TRAF3IP3: variants seen among roughly 807,000 people sequenced by gnomAD.
TRAF3IP3 encodes the protein TRAF3-interacting JNK-activating modulator.
TRAF3IP3 carries 64 observed loss-of-function variants against 86.5 expected under a neutral mutation model. The ratio of observed to expected loss-of-function variants is 0.74; its 90% CI spans 0.60 to 0.91. The LOEUF (loss-of-function observed/expected upper bound fraction) is 0.91, where lower values mean the gene tolerates loss of function less well. Ranked by LOEUF, TRAF3IP3 falls within the 40% of genes least tolerant of loss-of-function variation. The pLI, the probability that TRAF3IP3 is intolerant of heterozygous loss-of-function variation, is 0.00. For missense variants in TRAF3IP3, 579 were observed against 642.9 expected, an observed-to-expected ratio of 0.90 and a Z score of 1.07; for synonymous variants, 220 against 243.9, an observed-to-expected ratio of 0.90 and a Z score of 0.91.
chr1:209,775,885 C>G, intron 11 of TRAF3IP3, 149 bp downstream of exon 11: 1 of 699,696 alleles, frequency 1.4e-6, no homozygotes, highest in Non-Finnish European at 2.3e-6. Context: ...ACCAAATTCA[C>G]TGTTTTGGCT....
intron 8 of TRAF3IP3, among the ~76,000 whole-genome samples, chr1:209,772,287 T>C (rs937312409): frequency 6.6e-6 from 1 of 152,196 alleles, no homozygotes; most frequent in Non-Finnish European, 1.5e-5. Flanking sequence ...TCTCTCTCTG[T>C]GTCTCCACAT....
chr1:209,780,332 A>G, intron 14 of TRAF3IP3, 138 bp from the exon 15 acceptor site: 1 of 711,914 alleles, frequency 1.4e-6, no homozygotes, highest in Non-Finnish European at 2.1e-6. Flanking sequence ...CCTTTATGTC[A>G]GAGAATGCCA....
At position 209,775,352 on chromosome 1, in the gene TRAF3IP3, T is replaced by C; in HGVS notation, c.778T>C (p.Tyr260His). 6.2e-7 allele frequency: 1 copy of C among 1,610,780 alleles called. No individual in the cohort carries two copies. The change falls in exon 10 of 17, where the codon TAC becomes CAC. Residue 260 changes from tyrosine to histidine, a missense_variant. Physicochemically the swap from Tyr to His is moderately conservative, Grantham distance 83. Transcript: ENST00000367025. ...ENQLYTCTQKYSPWGMKKVLL... is the reference protein window; with the variant it reads ...ENQLYTCTQKHSPWGMKKVLL... ...TTGAATTGCATCAAATTTACAGAAA[T>C]ACTCCCCTTGGGGAATGAAAAAAGT...
chr1:209,781,491 G>A, intron 16 of TRAF3IP3, 33 bp downstream of exon 16: 1 of 1,499,378 alleles, frequency 6.7e-7, no homozygotes, highest in South Asian at 1.1e-5. Context: ...TAAAGCCCTG[G>A]ATGATGGGAC....
At chr1:209,770,919 A>AAGGTGTGCATGTGCAGGTGG in intron 8 of TRAF3IP3, among the ~76,000 whole-genome samples, 1 of 41,176 alleles carries the variant, frequency 2.4e-5, no homozygotes, top group Non-Finnish European at 4.7e-5. Flanking sequence ...TGTGCAGGTG[A>AAGGTGTGCATGTGCAGGTGG]AGGTGTGCGT....
At position 209,762,681 on chromosome 1, in the gene TRAF3IP3, T is replaced by C; in HGVS notation, c.493+19T>C. 1 of 1,574,670 alleles carries C rather than the reference T, an allele frequency of 6.4e-7. No individual in the cohort carries two copies. Among genetic ancestry groups the C allele is most frequent in the Middle Eastern group, 1.7e-4 (1 of 5,856 alleles). On this transcript the variant is annotated intron_variant, in intron 4 of 16. Coordinates refer to ENST00000367025, the MANE Select transcript of TRAF3IP3 (RefSeq NM_025228.4). ...CACCGTGGTAAGAGCAGAGCCTCCC[T>C]CACTCCACAGGGCCTGCAGAGAATC...
intron 8 of TRAF3IP3, among the ~76,000 whole-genome samples, chr1:209,771,722 AGTGTACGTGTGCATGTGGAG>A (rs2077536394): frequency 9.3e-6 from 1 of 107,124 alleles, no homozygotes; most frequent in African/African-American, 3.8e-5. Context: ...TGCAGGTGGA[AGTGTACGTGTGCATGTGGAG>A]GTGTGTGCGC....
intron 16 of TRAF3IP3, 70 bp downstream of exon 16, chr1:209,781,528 C>G: frequency 8.4e-7 from 1 of 1,185,364 alleles, no homozygotes; most frequent in Non-Finnish European, 1.3e-6. Flanking sequence ...AAGTTTTGCA[C>G]ATAAAATATA....
At chr1:209,762,182 A>C (rs1355249356) in intron 3 of TRAF3IP3, among the ~76,000 whole-genome samples, 1 of 151,986 alleles carries the variant, frequency 6.6e-6, no homozygotes, top group Non-Finnish European at 1.5e-5. Context: ...TGATGAGAGC[A>C]CTCTTCCCAC....
intron 9 of TRAF3IP3, among the ~76,000 whole-genome samples, chr1:209,774,752 A>G (rs1344933406): frequency 6.6e-6 from 1 of 152,206 alleles, no homozygotes; most frequent in Middle Eastern, 3.2e-3. Context: ...TCAGATTTGC[A>G]TTTTAGAAAG....
At position 209,762,655 on chromosome 1, in the gene TRAF3IP3, C is replaced by T; in HGVS notation, c.486C>T (p.His162=). ...QDTPIKKPPK[H]HRGTQTKAEG... is the part of the protein sequence containing the mutation. Reference sequence around the variant, plus strand: ...CTCCCATCAAGAAGCCACCCAAACACCACCGTGGTAAGAGCAGAGCCTCCC... The same window carrying T: ...CTCCCATCAAGAAGCCACCCAAACATCACCGTGGTAAGAGCAGAGCCTCCC... The change falls in exon 4 of 17, where the codon CAC becomes CAT. Residue 162 remains histidine, a synonymous_variant. Transcript: ENST00000367025. 7 of 1,545,910 alleles carry T rather than the reference C, an allele frequency of 4.5e-6. No individual in the cohort carries two copies. The highest frequency in any genetic ancestry group is 6.1e-6 in the Non-Finnish European group (7 of 1,147,544).
chr1:209,756,508 C>T (rs887465455), intron 1 of TRAF3IP3, among the ~76,000 whole-genome samples, 199 bp downstream of exon 1: 4 of 152,230 alleles, frequency 2.6e-5, no homozygotes, highest in Non-Finnish European at 5.9e-5. Flanking sequence ...GTACAGCTTG[C>T]ACCACTCCTC....
chr1:209,780,224 T>C (rs977615524), intron 14 of TRAF3IP3: 9 of 299,406 alleles, frequency 3.0e-5, no homozygotes, highest in East Asian at 1.7e-4. Context: ...TAGCACTAGA[T>C]AAGACTGGGG....
In TRAF3IP3 at chr1:209,775,639, G is replaced by A. The variant is rs757857844; in HGVS notation, c.956G>A (p.Arg319Lys). The A allele has an allele frequency of 1.9e-6, 3 of 1,614,206 alleles. No homozygotes were observed. The highest frequency in any genetic ancestry group is 1.7e-4 in the Middle Eastern group (1 of 6,060). ...ALAEQKCEEW[R>K]SQYEALKEDW... ...GCAGAGCAGAAGTGTGAAGAGTGGAGGAGCCAGTATGAGGCTCTGAAGGAG... is the reference window on the plus strand; with the variant it reads ...GCAGAGCAGAAGTGTGAAGAGTGGAAGAGCCAGTATGAGGCTCTGAAGGAG... Residue 319 changes from arginine to lysine, a missense_variant, in exon 11 of 17, where the codon AGG becomes AAG. Coordinates refer to ENST00000367025, the MANE Select transcript of TRAF3IP3 (RefSeq NM_025228.4).
At chr1:209,778,496 GT>G (rs1374456464) in intron 13 of TRAF3IP3, 1 of 294,474 alleles carries the variant, frequency 3.4e-6, no homozygotes, top group Non-Finnish European at 6.2e-6. Context: ...GTACATGAAT[GT>G]GTCACATAGA....
intron 16 of TRAF3IP3, 119 bp from the exon 17 acceptor site, chr1:209,781,937 T>G (rs1298525066): frequency 2.6e-6 from 2 of 758,564 alleles, no homozygotes; most frequent in Non-Finnish European, 4.4e-6. Context: ...AAAAAGCTTT[T>G]TCTCCACCAC....
chr1:209,775,045 C>T lies in TRAF3IP3; in HGVS notation c.775-304C>T, dbSNP rs185338679. ...TGATTCTGGTCACTGAGATAGGAAC[C>T]CCAAGAAAAAAGAACATGTTTAGAA... On this transcript the variant is annotated intron_variant, in intron 9 of 16. Coordinates refer to ENST00000367025, the MANE Select transcript of TRAF3IP3 (RefSeq NM_025228.4). 1.2e-4 allele frequency among the ~76,000 whole-genome samples: 18 copies of T among 152,100 alleles called. No individual in the cohort carries two copies. In the East Asian group the frequency reaches 3.3e-3, roughly 28 times the overall value.
At chr1:209,771,756 T>C (rs1263273862) in intron 8 of TRAF3IP3, among the ~76,000 whole-genome samples, 4 of 95,904 alleles carry the variant, frequency 4.2e-5, no homozygotes, top group African/African-American at 1.1e-4. Context: ...TGTGCGCGCA[T>C]GTGAAGGTGT....
chr1:209,774,257 A>G (rs921867759), intron 9 of TRAF3IP3, among the ~76,000 whole-genome samples: 4 of 152,368 alleles, frequency 2.6e-5, no homozygotes, highest in Middle Eastern at 6.8e-3. Flanking sequence ...CAAATGTATT[A>G]ATTTTAAAAC....
Sources: allele counts gnomAD v4.1 joint callset (sites outside exome capture counted in the v4.1 genomes callset), GRCh38; gene constraint gnomAD v4.1.1; transcripts MANE v1.5; gene names NCBI Gene and HGNC (gene_info 2026-07-23, HGNC 2026-07-21).